Variants in COL11A1 observed in about 807,000 individuals in gnomAD.
COL11A1 encodes collagen alpha-1(XI) chain.
Under a neutral mutation model 265.2 loss-of-function variants are expected in COL11A1, and 74 were observed. That is an observed-to-expected ratio of 0.28 (90% CI 0.23 to 0.34). The LOEUF (loss-of-function observed/expected upper bound fraction) is 0.34. Ranked by LOEUF, COL11A1 falls within the 10% of genes least tolerant of loss-of-function variation. The pLI is 1.00. For synonymous variants in COL11A1, 816 were observed against 727.6 expected (o/e 1.12, Z -1.96); for missense variants, 2,165 against 2,263.6 (o/e 0.96, Z 0.88).
At position 103,017,832 on chromosome 1, in the gene COL11A1, G is replaced by A. The variant is rs1195903208; in HGVS notation, c.1401C>T (p.Asp467=). 2 of 1,612,960 alleles carry A rather than the reference G, an allele frequency of 1.2e-6. No individual in the cohort carries two copies. The highest frequency in any genetic ancestry group is 1.7e-5 in the Admixed American group (1 of 59,984). ...GLQGPTGPPG[D]PGDRGPPGRP... Reference sequence around the variant, plus strand: ...TCCATTCACTTACCCTATCGCCAGGGTCACCAGGGGGTCCAGTGGGGCCTT... The same window carrying A: ...TCCATTCACTTACCCTATCGCCAGGATCACCAGGGGGTCCAGTGGGGCCTT... Residue 467 remains aspartate (D), a synonymous_variant, in exon 11 of 67, where the codon GAC becomes GAT. Coordinates refer to ENST00000370096, the MANE Select transcript of COL11A1 (RefSeq NM_001854.4).
At chr1:103,084,037 A>G (rs1331895850) in intron 1 of COL11A1, among the ~76,000 whole-genome samples, 1 of 152,174 alleles carries the variant, frequency 6.6e-6, no homozygotes, top group African/African-American at 2.4e-5. Context: ...CACCCACTTA[A>G]AAGCAAACAG....
chr1:102,993,950 C>A (rs2101779928), intron 28 of COL11A1, among the ~76,000 whole-genome samples: 1 of 152,274 alleles, frequency 6.6e-6, no homozygotes, highest in East Asian at 1.9e-4. Flanking sequence ...CTCTGAAGTT[C>A]ATCTAGGTGA....
intron 1 of COL11A1, among the ~76,000 whole-genome samples, chr1:103,101,941 A>G (rs1454747691): frequency 6.6e-6 from 1 of 151,068 alleles, no homozygotes; most frequent in Non-Finnish European, 1.5e-5. Flanking sequence ...GCAAGCAAAG[A>G]GTTTATTTTA....
Position 102,889,487 on chromosome 1 carries a change from T to A in COL11A1, c.4432A>T (p.Thr1478Ser). The change falls in exon 59 of 67, where the codon ACT (threonine) becomes TCT (serine). Residue 1478 changes from threonine (T) to serine (S), a missense_variant. Transcript: ENST00000370096. The part of the protein sequence containing the change: ...GEKGDRGLPG[T>S]QGSPGAKGDG... ...CCTTTTGCTCCTGGAGATCCTTGAG[T>A]TCCAGGGAGCCCTCGGTCACCTTTT... 1 of 1,613,352 alleles carries A rather than the reference T, an allele frequency of 6.2e-7. No homozygotes were observed. The highest frequency in any genetic ancestry group is 8.5e-7 in the Non-Finnish European group (1 of 1,179,664).
Position 102,927,154 on chromosome 1 carries a change from A to AT in COL11A1, c.3601-3766dup, listed in dbSNP as rs200831183. Among the ~76,000 whole-genome samples the AT allele has an allele frequency of 1.0e-2, 1,522 of 152,214 alleles. 30 individuals carry two copies. Among genetic ancestry groups the AT allele is most frequent in the African/African-American group, 0.035 (1,461 of 41,528 alleles). ...CATATTTATAAAAATAAAGATACAA[A>AT]TTTTTTATATAAATTCAATTTACAT... On this transcript the variant is annotated intron_variant, in intron 46 of 66. Coordinates refer to ENST00000370096, the MANE Select transcript of COL11A1 (RefSeq NM_001854.4).
In COL11A1 at chr1:102,890,519, A is replaced by C; in HGVS notation, c.4303-15T>G. ...CCAGGAGGTCCCTAAATAATAACAA[A>C]AAAAAAACCCCAAAACAAAAACAGA... is the stretch of plus-strand genomic sequence containing the variant. On this transcript the variant is annotated splice_polypyrimidine_tract_variant and intron_variant, in intron 57 of 66. Transcript: ENST00000370096. The C allele has an allele frequency of 6.3e-6, 10 of 1,589,686 alleles. No individual in the cohort carries two copies. Among genetic ancestry groups the C allele is most frequent in the Non-Finnish European group, 8.5e-6 (10 of 1,171,432 alleles).
intron 42 of COL11A1, among the ~76,000 whole-genome samples, chr1:102,944,984 T>C (rs1230067810): frequency 6.6e-6 from 1 of 152,200 alleles, no homozygotes; most frequent in Non-Finnish European, 1.5e-5. Context: ...ACCTAAAAGT[T>C]CTATCCACAG....
chr1:102,947,955 A>G (rs1032897448), intron 41 of COL11A1, among the ~76,000 whole-genome samples: 1 of 151,816 alleles, frequency 6.6e-6, no homozygotes, highest in Non-Finnish European at 1.5e-5. Flanking sequence ...TATAATTGTT[A>G]GTATTTTTTC....
At chr1:103,079,178 T>C (rs115282447) in intron 2 of COL11A1, among the ~76,000 whole-genome samples, 2,231 of 152,238 alleles carry the variant, frequency 0.015, 45 homozygotes, top group African/African-American at 0.051. Flanking sequence ...ACCACCACTC[T>C]TAAAACATTT....
At chr1:103,069,425 C>T (rs959150883) in intron 4 of COL11A1, among the ~76,000 whole-genome samples, 2 of 151,674 alleles carry the variant, frequency 1.3e-5, no homozygotes, top group Admixed American at 1.3e-4. Context: ...TGGGTCATGA[C>T]CCATGTGCAA....
intron 15 of COL11A1, among the ~76,000 whole-genome samples, chr1:103,006,978 T>G (rs2101859871): frequency 6.6e-6 from 1 of 152,284 alleles, no homozygotes; most frequent in East Asian, 1.9e-4. Context: ...CTCTTTCCAA[T>G]CCCCTTTCTT....
intron 4 of COL11A1, among the ~76,000 whole-genome samples, chr1:103,036,658 A>G (rs1668396029): frequency 6.6e-6 from 1 of 151,958 alleles, no homozygotes; most frequent in South Asian, 2.1e-4. Context: ...TAATCGTATG[A>G]CATGTTTTAA....
At chr1:103,088,100 T>C (rs989734017) in intron 1 of COL11A1, among the ~76,000 whole-genome samples, 1 of 152,176 alleles carries the variant, frequency 6.6e-6, no homozygotes, top group African/African-American at 2.4e-5. Context: ...TCACCATCCA[T>C]ATAGATTACT....
Position 102,877,933 on chromosome 1 carries a change from T to G in COL11A1, c.*86A>C. ...TGCAGCGTTGTTTTCTATACCATCC[T>G]TATTCAAAACTTGCATGTGGCACAA... On this transcript the variant is annotated 3_prime_UTR_variant, in exon 67 of 67. Transcript: ENST00000370096. The G allele has an allele frequency of 7.2e-7, 1 of 1,392,882 alleles. No homozygotes were observed. The highest frequency in any genetic ancestry group is 1.0e-6 in the Non-Finnish European group (1 of 980,712). 86.3% of individuals were successfully genotyped at this position (1,392,882 alleles called of 1,614,324 possible).
At chr1:103,030,292 CATT>C (rs1667873073) in intron 5 of COL11A1, among the ~76,000 whole-genome samples, 1 of 151,974 alleles carries the variant, frequency 6.6e-6, no homozygotes, top group Non-Finnish European at 1.5e-5. Context: ...CAACAGAATT[CATT>C]ATTAAACCTT....
intron 1 of COL11A1, among the ~76,000 whole-genome samples, chr1:103,094,345 T>C (rs908172209): frequency 6.6e-6 from 1 of 152,152 alleles, no homozygotes; most frequent in East Asian, 1.9e-4. Flanking sequence ...GTGGTCTGAT[T>C]ATTCAAGACT....
intron 41 of COL11A1, among the ~76,000 whole-genome samples, chr1:102,961,283 G>T (rs1660882345): frequency 1.3e-5 from 2 of 152,056 alleles, no homozygotes; most frequent in Admixed American, 6.6e-5. Context: ...GTAAAAATCT[G>T]ATATTTACTA....
At chr1:102,943,125 A>G (rs564078929) in intron 42 of COL11A1, among the ~76,000 whole-genome samples, 5 of 152,172 alleles carry the variant, frequency 3.3e-5, no homozygotes, top group Admixed American at 3.3e-4. Flanking sequence ...GTAGATAAAT[A>G]TATGCACCAC....
intron 37 of COL11A1, among the ~76,000 whole-genome samples, chr1:102,967,155 T>A (rs1248258234): frequency 6.7e-6 from 1 of 149,554 alleles, no homozygotes; most frequent in Non-Finnish European, 1.5e-5. Context: ...CATTGTTGAG[T>A]TTTCAAATAA....
Sources: allele counts gnomAD v4.1 joint callset (sites outside exome capture counted in the v4.1 genomes callset), GRCh38; gene constraint gnomAD v4.1.1; transcripts MANE v1.5; gene names NCBI Gene and HGNC (gene_info 2026-07-23, HGNC 2026-07-21).